DTWD2: variants seen among roughly 807,000 people sequenced by gnomAD.
The protein encoded by DTWD2 is tRNA-uridine aminocarboxypropyltransferase 2.
Under a neutral mutation model 31.8 loss-of-function variants are expected in DTWD2, and 39 were observed. The ratio of observed to expected loss-of-function variants is 1.22; its 90% CI spans 0.95 to 1.60. The LOEUF is 1.60. Ranked by LOEUF, DTWD2 falls within the 40% of genes most tolerant of loss-of-function variation. The pLI, the probability that DTWD2 is intolerant of heterozygous loss-of-function variation, is 0.00. For missense variants in DTWD2, 515 were observed against 381.5 expected (o/e 1.35, Z -2.92); for synonymous variants, 180 against 142.8 (o/e 1.26, Z -1.86).
intron 4 of DTWD2, among the ~76,000 whole-genome samples, chr5:118,887,789 TTC>T (rs1241589293): frequency 2.0e-5 from 3 of 152,120 alleles, no homozygotes; most frequent in African/African-American, 7.2e-5. Flanking sequence ...TGACTAATTG[TTC>T]TGTTTTGTTT....
At chr5:118,892,792 A>C (rs1042227967) in intron 4 of DTWD2, among the ~76,000 whole-genome samples, 2 of 152,200 alleles carry the variant, frequency 1.3e-5, no homozygotes, top group East Asian at 1.9e-4. Flanking sequence ...GTAAAAAAAA[A>C]CCCAGCTCCA....
chr5:118,941,726 T>C (rs1754206661), intron 2 of DTWD2, among the ~76,000 whole-genome samples: 2 of 152,242 alleles, frequency 1.3e-5, no homozygotes, highest in Admixed American at 1.3e-4. Context: ...ATGGTATTTC[T>C]AGTTCTAGAT....
Position 118,836,789 on chromosome 5 carries a change from T to G in DTWD2, c.*4128A>C, listed in dbSNP as rs1389609454. ...CTAGAATGCACCATCTATGAACCAG[T>G]GAGTGGGCCCCTCACCAGACACCAA... is the stretch of plus-strand genomic sequence containing the variant. On this transcript the variant is annotated 3_prime_UTR_variant, in exon 6 of 6. Coordinates refer to ENST00000510708, the MANE Select transcript of DTWD2 (RefSeq NM_173666.4). 6.6e-6 allele frequency among the ~76,000 whole-genome samples: 1 copy of G among 152,150 alleles called. No homozygotes were observed. Among genetic ancestry groups the G allele is most frequent in the East Asian group, 1.9e-4 (1 of 5,186 alleles).
chr5:118,986,140 A>G lies in DTWD2; in HGVS notation c.218+2154T>C, dbSNP rs187698247. On this transcript the variant is annotated intron_variant, in intron 1 of 5. Transcript: ENST00000510708. ...CCCTCAGCCTTCTTATGTTATCTCA[A>G]ATAATGCTAATGATACATACTCTGG... Among the ~76,000 whole-genome samples the G allele has an allele frequency of 2.5e-4, 38 of 152,248 alleles. No individual in the cohort carries two copies. In the East Asian group the frequency reaches 6.2e-3, roughly 25 times the overall value.
rs140323100 is a variant in DTWD2 at position 118,966,570 on chromosome 5, T to C, written c.218+21724A>G. 2.0e-5 allele frequency among the ~76,000 whole-genome samples: 3 copies of C among 152,342 alleles called. 1 individual carries two copies. The East Asian group carries it at 5.8e-4, about 29-fold the overall frequency. On this transcript the variant is annotated intron_variant, in intron 1 of 5. Transcript: ENST00000510708. ...CAAATTAGTTGATGATATGCTATAA[T>C]GCCAGTCTTATATCTTTAGTACATT...
chr5:118,932,996 C>A (rs956012017), intron 3 of DTWD2, among the ~76,000 whole-genome samples: 4 of 151,642 alleles, frequency 2.6e-5, no homozygotes, highest in Admixed American at 6.6e-5. Context: ...GTGATCATTA[C>A]TGATTCCAAA....
intron 5 of DTWD2, among the ~76,000 whole-genome samples, chr5:118,847,123 A>G (rs1751876550): frequency 6.6e-6 from 1 of 152,194 alleles, no homozygotes; most frequent in African/African-American, 2.4e-5. Context: ...TCTCTTTAGG[A>G]TTAATATCTT....
intron 5 of DTWD2, among the ~76,000 whole-genome samples, chr5:118,844,047 G>T (rs1466983238): frequency 6.6e-6 from 1 of 152,208 alleles, no homozygotes; most frequent in Non-Finnish European, 1.5e-5. Context: ...CCTCCATCAG[G>T]TTGGGTGCCT....
At chr5:118,897,768 T>A (rs548276848) in intron 4 of DTWD2, among the ~76,000 whole-genome samples, 1 of 152,316 alleles carries the variant, frequency 6.6e-6, no homozygotes, top group South Asian at 2.1e-4. Flanking sequence ...TAAAAGTAAT[T>A]CAAAGGAATC....
intron 5 of DTWD2, among the ~76,000 whole-genome samples, chr5:118,841,681 G>A (rs750154752): frequency 1.8e-4 from 28 of 152,022 alleles, no homozygotes; most frequent in African/African-American, 3.6e-4. Context: ...ACAGAAACAC[G>A]TAAACTGGGT....
At chr5:118,846,403 G>T (rs918053006) in intron 5 of DTWD2, among the ~76,000 whole-genome samples, 1 of 152,072 alleles carries the variant, frequency 6.6e-6, no homozygotes, top group Non-Finnish European at 1.5e-5. Context: ...TCCAATTCCA[G>T]TTGTGGGAAT....
At chr5:118,987,121 C>G (rs1755445492) in intron 1 of DTWD2, among the ~76,000 whole-genome samples, 1 of 152,056 alleles carries the variant, frequency 6.6e-6, no homozygotes, top group Admixed American at 6.6e-5. Flanking sequence ...ATATTTGAAA[C>G]ACTTTTCCTC....
intron 2 of DTWD2, among the ~76,000 whole-genome samples, chr5:118,942,769 T>A (rs1356659012): frequency 6.6e-6 from 1 of 151,976 alleles, no homozygotes; most frequent in Non-Finnish European, 1.5e-5. Flanking sequence ...TACTGCAAAA[T>A]GAACACAGTA....
At chr5:118,924,903 T>C (rs1753777570) in intron 4 of DTWD2, among the ~76,000 whole-genome samples, 1 of 152,212 alleles carries the variant, frequency 6.6e-6, no homozygotes, top group Admixed American at 6.5e-5. Context: ...CCAATACTTA[T>C]TACCTCATGG....
chr5:118,923,962 A>T (rs1753758015), intron 4 of DTWD2, among the ~76,000 whole-genome samples: 2 of 152,174 alleles, frequency 1.3e-5, no homozygotes, highest in Non-Finnish European at 2.9e-5. Context: ...AAAAAAATTC[A>T]AGAGCTGTCA....
intron 4 of DTWD2, among the ~76,000 whole-genome samples, chr5:118,887,076 C>CA (rs1752883562): frequency 6.6e-6 from 1 of 152,036 alleles, no homozygotes; most frequent in African/African-American, 2.4e-5. Context: ...CTATTACTAG[C>CA]AAAAAAATTT....
At chr5:118,921,717 G>T (rs114363256) in intron 4 of DTWD2, among the ~76,000 whole-genome samples, 330 of 152,202 alleles carry the variant, frequency 2.2e-3, no homozygotes, top group African/African-American at 7.6e-3. Flanking sequence ...CAGTACAGAA[G>T]TCACTTAACG....
intron 5 of DTWD2, among the ~76,000 whole-genome samples, chr5:118,844,297 T>A (rs904091177): frequency 6.6e-6 from 1 of 152,170 alleles, no homozygotes. Flanking sequence ...TTTTGCCACA[T>A]CTATCTTTAA....
At chr5:118,968,671 A>T (rs1754910039) in intron 1 of DTWD2, among the ~76,000 whole-genome samples, 1 of 152,174 alleles carries the variant, frequency 6.6e-6, no homozygotes, top group Non-Finnish European at 1.5e-5. Context: ...TTGGGTCCAA[A>T]GCATAGCGCT....
Sources: gnomAD v4.1 joint callset for allele counts (sites outside exome capture counted in the v4.1 genomes callset) on GRCh38, gnomAD v4.1.1 for gene constraint, MANE v1.5 for transcripts, NCBI Gene and HGNC (gene_info 2026-07-23, HGNC 2026-07-21) for gene names.